CTNND2: variants seen among roughly 807,000 people sequenced by gnomAD.
CTNND2 encodes catenin delta-2.
CTNND2 carries 22 observed loss-of-function variants against 144.4 expected under a neutral mutation model. The ratio of observed to expected loss-of-function variants is 0.15; its 90% CI spans 0.11 to 0.22. CTNND2 has a LOEUF of 0.22. Ranked by LOEUF, CTNND2 falls within the 10% of genes least tolerant of loss-of-function variation. The pLI is 1.00. For missense variants in CTNND2, 1,353 were observed against 1,618.8 expected (o/e 0.84, Z 2.82); for synonymous variants, 751 against 695.6 (o/e 1.08, Z -1.25).
At chr5:11,701,675 G>T (rs1363819767) in intron 2 of CTNND2, among the ~76,000 whole-genome samples, 1 of 144,110 alleles carries the variant, frequency 6.9e-6, no homozygotes, top group East Asian at 2.1e-4. Context: ...GTATAAGAAA[G>T]AATGAGAAAG....
chr5:11,234,845 C>G (rs1580665204), intron 10 of CTNND2, among the ~76,000 whole-genome samples: 1 of 152,194 alleles, frequency 6.6e-6, no homozygotes, highest in Non-Finnish European at 1.5e-5. Context: ...CACATCTGAG[C>G]AAGCTGATAA....
At chr5:11,766,111 A>G (rs1789574203) in intron 1 of CTNND2, among the ~76,000 whole-genome samples, 1 of 152,152 alleles carries the variant, frequency 6.6e-6, no homozygotes, top group Non-Finnish European at 1.5e-5. Flanking sequence ...TTATGTTTCC[A>G]TTGTTTGCAC....
At chr5:11,208,564 G>A (rs968748925) in intron 10 of CTNND2, among the ~76,000 whole-genome samples, 3 of 152,098 alleles carry the variant, frequency 2.0e-5, no homozygotes, top group Non-Finnish European at 2.9e-5. Flanking sequence ...GTATGGATTC[G>A]ATACCTAGAA....
At chr5:11,229,722 C>CAATATA (rs1740788524) in intron 10 of CTNND2, among the ~76,000 whole-genome samples, 1 of 149,958 alleles carries the variant, frequency 6.7e-6, no homozygotes, top group Non-Finnish European at 1.5e-5. Flanking sequence ...ATATATACAA[C>CAATATA]TGTGTATATA....
intron 1 of CTNND2, among the ~76,000 whole-genome samples, chr5:11,871,073 GC>G (rs1415869945): frequency 2.0e-5 from 3 of 152,162 alleles, no homozygotes; most frequent in Non-Finnish European, 4.4e-5. Flanking sequence ...GCAAGAAGAG[GC>G]CAGAGAGTTA....
intron 9 of CTNND2, among the ~76,000 whole-genome samples, chr5:11,253,037 C>G (rs957227070): frequency 6.6e-6 from 1 of 152,132 alleles, no homozygotes; most frequent in African/African-American, 2.4e-5. Context: ...TATGCTTTCT[C>G]CATTTATAAT....
intron 2 of CTNND2, among the ~76,000 whole-genome samples, chr5:11,672,814 T>C (rs1365283547): frequency 6.6e-6 from 1 of 152,058 alleles, no homozygotes; most frequent in Non-Finnish European, 1.5e-5. Context: ...GAGTGTTCCG[T>C]TCCTCCCAGT....
intron 16 of CTNND2, among the ~76,000 whole-genome samples, chr5:11,062,214 T>A (rs1345035687): frequency 1.3e-5 from 2 of 151,958 alleles, no homozygotes; most frequent in African/African-American, 2.4e-5. Flanking sequence ...AACTATGTAT[T>A]AGCATATTTT....
rs1000539240 is a variant in CTNND2 at position 11,903,365 on chromosome 5, G to C, written c.37+452C>G. 2.0e-6 allele frequency: 2 copies of C among 994,390 alleles called. No homozygotes were observed. The highest frequency in any genetic ancestry group is 2.4e-6 in the Non-Finnish European group (2 of 836,334). The allele number at this position is 994,390 out of a possible 1,614,324, so 61.6% of individuals were successfully genotyped here. A position where few individuals can be genotyped will look rare whatever the true frequency, so the allele number is the denominator to read the frequency against. ...GCATATGACTAAGTCTTTCCATTTT[G>C]TTCTAGCCAAACATCGTAATGACAT... is the stretch of plus-strand genomic sequence containing the variant. On this transcript the variant is annotated intron_variant, in intron 1 of 21. Coordinates refer to ENST00000304623, the MANE Select transcript of CTNND2 (RefSeq NM_001332.4). The surrounding 1 kb of genome is among the most constrained non-coding windows in gnomAD (Gnocchi z 5.4).
intron 3 of CTNND2, among the ~76,000 whole-genome samples, chr5:11,422,763 A>G (rs1238804034): frequency 1.3e-5 from 2 of 152,230 alleles, no homozygotes; most frequent in African/African-American, 4.8e-5. Context: ...CCAAGCTGTC[A>G]CTGTGGGAAA....
At chr5:11,398,821 G>A (rs1760374769) in intron 5 of CTNND2, among the ~76,000 whole-genome samples, 1 of 152,142 alleles carries the variant, frequency 6.6e-6, no homozygotes, top group Admixed American at 6.5e-5. Context: ...GTCTCTGAGG[G>A]GAGATGCATT....
chr5:11,255,647 C>G (rs1181038945), intron 9 of CTNND2, among the ~76,000 whole-genome samples: 1 of 152,118 alleles, frequency 6.6e-6, no homozygotes, highest in African/African-American at 2.4e-5. Flanking sequence ...AAGGAAGGCA[C>G]AGGCACGGTT....
intron 2 of CTNND2, among the ~76,000 whole-genome samples, chr5:11,598,994 A>G (rs962845886): frequency 2.6e-5 from 4 of 152,200 alleles, no homozygotes; most frequent in Non-Finnish European, 4.4e-5. Context: ...CTTACATGGC[A>G]GCAGGAGAAA....
chr5:11,199,654 C>T lies in CTNND2; in HGVS notation c.1769G>A (p.Arg590Lys). The T allele has an allele frequency of 1.2e-6, 2 of 1,613,744 alleles. No individual in the cohort carries two copies. Among genetic ancestry groups the T allele is most frequent in the Non-Finnish European group, 1.7e-6 (2 of 1,179,780 alleles). ...CACCAGGAGCTGGATGCCTCCTTGT[C>T]TCCTTATCTGAAAGAGCAAAGGACA... Reference protein sequence around the residue: ...GDNKIKAEIRRQGGIQLLVDL... With the variant: ...GDNKIKAEIRKQGGIQLLVDL... Residue 590 changes from arginine (R) to lysine (K), a missense_variant, in exon 11 of 22, where the codon AGA becomes AAA. Transcript: ENST00000304623.
chr5:11,311,368 T>C (rs1376847377), intron 9 of CTNND2, among the ~76,000 whole-genome samples: 1 of 125,632 alleles, frequency 8.0e-6, no homozygotes, highest in Admixed American at 8.0e-5. Flanking sequence ...CACATGTACA[T>C]ATACTCTAAC....
At chr5:11,255,672 C>T (rs1326666141) in intron 9 of CTNND2, among the ~76,000 whole-genome samples, 1 of 152,030 alleles carries the variant, frequency 6.6e-6, no homozygotes. Context: ...TGGAGGAACA[C>T]AAATCTTTAT....
intron 14 of CTNND2, 136 bp from the exon 15 acceptor site, chr5:11,098,884 T>G: frequency 1.4e-6 from 1 of 727,288 alleles, no homozygotes; most frequent in Non-Finnish European, 2.2e-6. Flanking sequence ...ACGGAGGCTA[T>G]TGCATCAGCA....
chr5:11,760,374 G>A (rs1789190926), intron 1 of CTNND2, among the ~76,000 whole-genome samples: 1 of 152,134 alleles, frequency 6.6e-6, no homozygotes, highest in Non-Finnish European at 1.5e-5. Context: ...ATTACCAGGA[G>A]CTAGTTGTGT....
At chr5:11,352,121 G>T (rs1175637040) in intron 8 of CTNND2, among the ~76,000 whole-genome samples, 1 of 152,162 alleles carries the variant, frequency 6.6e-6, no homozygotes, top group Non-Finnish European at 1.5e-5. Context: ...TAAAATAATT[G>T]CATACATTAC....
Sources: allele counts gnomAD v4.1 joint callset (sites outside exome capture counted in the v4.1 genomes callset), GRCh38; gene constraint gnomAD v4.1.1; non-coding constraint Gnocchi (gnomAD v3.1); transcripts MANE v1.5; gene names NCBI Gene and HGNC (gene_info 2026-07-23, HGNC 2026-07-21).